Variants in GNB4 observed in about 807,000 individuals in gnomAD.
GNB4 encodes guanine nucleotide-binding protein subunit beta-4.
In GNB4, 28 loss-of-function variants were observed where a neutral mutation model predicts 45.2. That is an observed-to-expected ratio of 0.62 (90% CI 0.46 to 0.85). The LOEUF is 0.85. Ranked by LOEUF, GNB4 falls within the 40% of genes least tolerant of loss-of-function variation. GNB4 has a pLI of 0.00. For synonymous variants in GNB4, 132 were observed against 143.7 expected (o/e 0.92, Z 0.58); for missense variants, 321 against 425.4 (o/e 0.75, Z 2.16).
the GNB4 span, among the ~76,000 whole-genome samples, chr3:179,465,800 TTCTTCTTC>T: frequency 0.13 from 17,910 of 133,476 alleles, 1,442 homozygotes; most frequent in East Asian, 0.33. Context: ...AATTTTTTTC[TTCTTCTTC>T]TTCTTCTTCT....
intron 1 of GNB4, among the ~76,000 whole-genome samples, chr3:179,449,172 C>T (rs1184639149): frequency 6.6e-6 from 1 of 152,128 alleles, no homozygotes; most frequent in East Asian, 1.9e-4. Context: ...TGTAACCTTC[C>T]AAATTAGTTA....
At chr3:179,423,431 C>T (rs1241661322) in intron 2 of GNB4, among the ~76,000 whole-genome samples, 1 of 152,182 alleles carries the variant, frequency 6.6e-6, no homozygotes, top group Non-Finnish European at 1.5e-5. Flanking sequence ...TCTGCAGAAA[C>T]ATATAAAGTG....
At chr3:179,493,392 A>G in the GNB4 span, among the ~76,000 whole-genome samples, 1 of 152,152 alleles carries the variant, frequency 6.6e-6, no homozygotes, top group African/African-American at 2.4e-5. Flanking sequence ...TAAAAAAAGA[A>G]CCAAACAGGA....
At chr3:179,501,915 G>A in the GNB4 span, among the ~76,000 whole-genome samples, 2 of 151,866 alleles carry the variant, frequency 1.3e-5, no homozygotes, top group African/African-American at 4.8e-5. Flanking sequence ...TGTGATTATT[G>A]CACATGTGCT....
intron 1 of GNB4, among the ~76,000 whole-genome samples, chr3:179,446,354 A>C (rs200920109): frequency 6.6e-6 from 1 of 152,234 alleles, no homozygotes; most frequent in East Asian, 1.9e-4. Flanking sequence ...TACAGTTGAG[A>C]GAAAGAGGTC....
At chr3:179,410,334 T>C (rs1033666910) in intron 8 of GNB4, 3 of 152,016 alleles carry the variant, frequency 2.0e-5, no homozygotes, top group South Asian at 2.1e-4. Context: ...TCTGAGGAGA[T>C]AGTTGATTTA....
intron 1 of GNB4, among the ~76,000 whole-genome samples, chr3:179,436,931 C>T (rs975804812): frequency 6.6e-6 from 1 of 152,168 alleles, no homozygotes; most frequent in Admixed American, 6.5e-5. Context: ...GCACTGCTCT[C>T]CAGTCTATTT....
chr3:179,488,235 C>T, the GNB4 span, among the ~76,000 whole-genome samples: 1 of 152,102 alleles, frequency 6.6e-6, no homozygotes, highest in Non-Finnish European at 1.5e-5. Context: ...CATTTGTGAG[C>T]CTTTGAGTCC....
chr3:179,519,918 A>C, the GNB4 span, among the ~76,000 whole-genome samples: 2 of 152,164 alleles, frequency 1.3e-5, no homozygotes, highest in African/African-American at 2.4e-5. Flanking sequence ...TGGTCTTTTA[A>C]AGCCTATAAA....
upstream of GNB4, among the ~76,000 whole-genome samples, chr3:179,453,758 C>T (rs1715938014): frequency 6.6e-6 from 1 of 150,622 alleles, no homozygotes; most frequent in Non-Finnish European, 1.5e-5. Flanking sequence ...AGTCCAAGTA[C>T]AGAAAAAGGA....
At position 179,429,093 on chromosome 3, in the gene GNB4, G is replaced by C. The variant is rs187132530; in HGVS notation, c.-42-2851C>G. The stretch of plus-strand genomic sequence containing the variant: ...ACCCGGGCCCTTCCTGCACATTCTG[G>C]CTGGGAATGCCAAGAACACAAGTCC... On this transcript the variant is annotated intron_variant, in intron 1 of 9. Transcript: ENST00000232564. 5.3e-3 allele frequency among the ~76,000 whole-genome samples: 800 copies of C among 152,354 alleles called. 4 individuals carry two copies. The highest frequency in any genetic ancestry group is 7.9e-3 in the Non-Finnish European group (540 of 68,028).
chr3:179,400,281 T>C lies in GNB4; in HGVS notation c.*932A>G, dbSNP rs999136776. On this transcript the variant is annotated 3_prime_UTR_variant, in exon 10 of 10. Transcript: ENST00000232564. ...ACACTTCTCTCCAAATGTAACACTG[T>C]CACATTGCATTTCCTCTCTAGATGT... 1.3e-5 allele frequency: 2 copies of C among 152,214 alleles called. No individual in the cohort carries two copies. Among genetic ancestry groups the C allele is most frequent in the African/African-American group, 4.8e-5 (2 of 41,448 alleles). The allele number at this position is 152,214 out of a possible 1,614,324, so 9.4% of individuals were successfully genotyped here.
At chr3:179,430,147 G>A (rs1312490185) in intron 1 of GNB4, among the ~76,000 whole-genome samples, 2 of 152,108 alleles carry the variant, frequency 1.3e-5, no homozygotes, top group Admixed American at 6.5e-5. Context: ...AGGCTGGAGT[G>A]CAGTGGTGGT....
chr3:179,436,216 TG>T (rs1402608980), intron 1 of GNB4, among the ~76,000 whole-genome samples: 2 of 152,074 alleles, frequency 1.3e-5, no homozygotes, highest in Non-Finnish European at 2.9e-5. Flanking sequence ...CTGACCAACA[TG>T]GAGAAACCCT....
chr3:179,516,605 T>A, the GNB4 span, among the ~76,000 whole-genome samples: 1 of 151,978 alleles, frequency 6.6e-6, no homozygotes, highest in Non-Finnish European at 1.5e-5. Context: ...ATTTCCACAA[T>A]GGAAAGGAAA....
intron 1 of GNB4, among the ~76,000 whole-genome samples, chr3:179,441,278 C>T (rs908205395): frequency 6.6e-5 from 10 of 152,210 alleles, no homozygotes; most frequent in Admixed American, 3.9e-4. Context: ...TGTCCTTACA[C>T]ACACCTAGAT....
intron 1 of GNB4, among the ~76,000 whole-genome samples, chr3:179,427,008 C>T (rs1035679778): frequency 2.6e-5 from 4 of 152,070 alleles, no homozygotes; most frequent in Non-Finnish European, 5.9e-5. Flanking sequence ...CCTCATGTAT[C>T]ACTCTCACAC....
the GNB4 span, among the ~76,000 whole-genome samples, chr3:179,482,555 C>T: frequency 6.6e-6 from 1 of 152,202 alleles, no homozygotes; most frequent in African/African-American, 2.4e-5. Flanking sequence ...CCTTCCATCT[C>T]ATAACTCCCT....
At chr3:179,512,440 T>C in the GNB4 span, among the ~76,000 whole-genome samples, 1 of 152,336 alleles carries the variant, frequency 6.6e-6, no homozygotes. Flanking sequence ...CTTTTCCATA[T>C]GCATAGCTTT....
Sources: gnomAD v4.1 joint callset for allele counts (sites outside exome capture counted in the v4.1 genomes callset) on GRCh38, gnomAD v4.1.1 for gene constraint, MANE v1.5 for transcripts, NCBI Gene and HGNC (gene_info 2026-07-23, HGNC 2026-07-21) for gene names.